The following NLRP14 variants were observed in gnomAD, a reference collection of about 807,000 sequenced individuals.
NLRP14 encodes the protein NLR family pyrin domain containing 14.
In NLRP14, 105 loss-of-function variants were observed where a neutral mutation model predicts 94.7. The ratio of observed to expected loss-of-function variants is 1.11; its 90% CI spans 0.95 to 1.30. The LOEUF (loss-of-function observed/expected upper bound fraction) is 1.30, where lower values mean the gene tolerates loss of function less well. NLRP14 is among the 50% of genes most tolerant of loss of function. NLRP14 has a pLI of 0.00. For missense variants in NLRP14, 1,362 were observed against 1,254.1 expected (o/e 1.09, Z -1.30); for synonymous variants, 508 against 459.9 (o/e 1.10, Z -1.34).
At chr11:7,088,083 G>A in the NLRP14 span, among the ~76,000 whole-genome samples, 1 of 152,090 alleles carries the variant, frequency 6.6e-6, no homozygotes, top group South Asian at 2.1e-4. Context: ...TAAAAAACAA[G>A]TTAGAAAAGG....
At chr11:7,047,056 C>T (rs1008381130) in intron 5 of NLRP14, among the ~76,000 whole-genome samples, 1 of 152,134 alleles carries the variant, frequency 6.6e-6, no homozygotes, top group Non-Finnish European at 1.5e-5. Flanking sequence ...GTTTTTCAGG[C>T]TTGATTAGGA....
chr11:7,062,732 T>C (rs1852644166), intron 10 of NLRP14, among the ~76,000 whole-genome samples: 2 of 152,120 alleles, frequency 1.3e-5, no homozygotes, highest in South Asian at 4.1e-4. Flanking sequence ...CTTGGACAGA[T>C]ACTTAGTACG....
downstream of NLRP14, among the ~76,000 whole-genome samples, chr11:7,074,907 T>C (rs1832799490): frequency 6.6e-6 from 1 of 152,172 alleles, no homozygotes; most frequent in South Asian, 2.1e-4. Flanking sequence ...TTATATAAGG[T>C]GAACATTTGA....
chr11:7,039,364 TA>T (rs1852212313), intron 2 of NLRP14, among the ~76,000 whole-genome samples: 1 of 151,676 alleles, frequency 6.6e-6, no homozygotes, highest in Non-Finnish European at 1.5e-5. Context: ...GAGTTATATA[TA>T]TATATGTATA....
At chr11:7,055,258 T>C (rs1295629642) in intron 6 of NLRP14, among the ~76,000 whole-genome samples, 3 of 152,142 alleles carry the variant, frequency 2.0e-5, no homozygotes, top group South Asian at 2.1e-4. Flanking sequence ...TTAGTGGAAA[T>C]GCTCCTTCTC....
At chr11:7,027,757 A>G (rs1005579345) in intron 1 of NLRP14, among the ~76,000 whole-genome samples, 6 of 152,146 alleles carry the variant, frequency 3.9e-5, no homozygotes, top group African/African-American at 1.4e-4. Flanking sequence ...CAAAGTAACT[A>G]TTGATCTCAA....
At chr11:7,089,385 T>A in the NLRP14 span, 1 of 1,601,724 alleles carries the variant, frequency 6.2e-7, no homozygotes, top group East Asian at 2.3e-5. Flanking sequence ...CAAACCGGCG[T>A]TCGAGAGCAG....
At chr11:7,090,546 C>G in the NLRP14 span, 1 of 553,714 alleles carries the variant, frequency 1.8e-6, no homozygotes, top group Non-Finnish European at 3.3e-6. Context: ...AACCTGAGTA[C>G]TAGTCTTCTT....
At chr11:7,089,064 G>A in the NLRP14 span, 146 of 1,572,984 alleles carry the variant, frequency 9.3e-5, 2 homozygotes, top group Non-Finnish European at 1.7e-5. Flanking sequence ...CGAAGGCTGC[G>A]ACTGGCGCCG....
chr11:7,089,822 G>C, the NLRP14 span: 5 of 1,608,472 alleles, frequency 3.1e-6, no homozygotes, highest in Non-Finnish European at 4.2e-6. Flanking sequence ...TTGCCCCCTC[G>C]CCCGGAGAGT....
chr11:7,083,126 A>G, the NLRP14 span, among the ~76,000 whole-genome samples: 4 of 152,218 alleles, frequency 2.6e-5, no homozygotes, highest in Non-Finnish European at 5.9e-5. Flanking sequence ...TCATACCAGC[A>G]TCTTCTCCCA....
At chr11:7,050,893 GAAGT>G (rs1177001637) in intron 6 of NLRP14, among the ~76,000 whole-genome samples, 1 of 152,196 alleles carries the variant, frequency 6.6e-6, no homozygotes, top group Non-Finnish European at 1.5e-5. Context: ...ACTCAGGTAA[GAAGT>G]ATGTCACTGT....
At chr11:7,047,031 T>C (rs958662845) in intron 5 of NLRP14, among the ~76,000 whole-genome samples, 199 bp downstream of exon 5, 3 of 152,226 alleles carry the variant, frequency 2.0e-5, no homozygotes, top group Admixed American at 2.0e-4. Flanking sequence ...CAGGGCATAG[T>C]AGCTGTTCAC....
At chr11:7,045,135 G>A (rs941752485) in intron 4 of NLRP14, among the ~76,000 whole-genome samples, 2 of 152,156 alleles carry the variant, frequency 1.3e-5, no homozygotes, top group Non-Finnish European at 2.9e-5. Context: ...TCTTATAAGA[G>A]CATACATTTC....
At chr11:7,039,423 A>T (rs532637534) in intron 2 of NLRP14, among the ~76,000 whole-genome samples, 1 of 152,144 alleles carries the variant, frequency 6.6e-6, no homozygotes, top group East Asian at 1.9e-4. Flanking sequence ...ACCGTATCGT[A>T]GTGAAGTCAG....
intron 8 of NLRP14, among the ~76,000 whole-genome samples, chr11:7,059,288 G>C (rs1418926011): frequency 6.6e-6 from 1 of 151,094 alleles, no homozygotes; most frequent in Non-Finnish European, 1.5e-5. Context: ...GAACAGATAA[G>C]TTTAAAATTT....
intron 6 of NLRP14, among the ~76,000 whole-genome samples, chr11:7,057,017 A>G (rs1221006912): frequency 2.0e-5 from 3 of 151,976 alleles, no homozygotes; most frequent in Admixed American, 2.0e-4. Context: ...AGGAATACCC[A>G]GAGAAATTCC....
chr11:7,078,326 T>G, the NLRP14 span, among the ~76,000 whole-genome samples: 1 of 148,248 alleles, frequency 6.7e-6, no homozygotes, highest in South Asian at 2.1e-4. Flanking sequence ...TAGTCCCAGC[T>G]ACTCAGGAGG....
chr11:7,044,425 G>C (rs1160824508), intron 4 of NLRP14, among the ~76,000 whole-genome samples: 2 of 152,150 alleles, frequency 1.3e-5, no homozygotes, highest in Non-Finnish European at 2.9e-5. Context: ...TTATCTCTCT[G>C]TATTATATTC....
Sources: gnomAD v4.1 joint callset for allele counts (sites outside exome capture counted in the v4.1 genomes callset) on GRCh38, gnomAD v4.1.1 for gene constraint, MANE v1.5 for transcripts, NCBI Gene and HGNC (gene_info 2026-07-23, HGNC 2026-07-21) for gene names.